Variants in NCKAP1L observed in about 807,000 individuals in gnomAD.
The protein encoded by NCKAP1L is nck-associated protein 1-like.
A neutral mutation model predicts 139.2 loss-of-function variants in NCKAP1L; 53 were observed. That is an observed-to-expected ratio of 0.38 (90% CI 0.31 to 0.48). The LOEUF (loss-of-function observed/expected upper bound fraction) is 0.48, where lower values mean the gene tolerates loss of function less well. Among genes scored for constraint, NCKAP1L ranks in the 20% least tolerant of loss-of-function variants. The pLI, the probability that NCKAP1L is intolerant of heterozygous loss-of-function variation, is 0.98. For synonymous variants in NCKAP1L, 468 were observed against 499.7 expected (o/e 0.94, Z 0.85); for missense variants, 1,151 against 1,381.9 (o/e 0.83, Z 2.65).
At chr12:54,499,249 A>C in intron 1 of NCKAP1L, 106 bp from the exon 2 acceptor site, 1 of 686,072 alleles carries the variant, frequency 1.5e-6, no homozygotes. Context: ...ATTAGTTCCC[A>C]GGTTGCCTTT....
intron 3 of NCKAP1L, among the ~76,000 whole-genome samples, chr12:54,503,616 T>TAC (rs1450841967): frequency 4.0e-5 from 6 of 151,408 alleles, no homozygotes; most frequent in African/African-American, 1.5e-4. Flanking sequence ...TATATATATA[T>TAC]ACACACACAT....
At chr12:54,515,297 G>A (rs1261748389) in intron 9 of NCKAP1L, among the ~76,000 whole-genome samples, 1 of 152,180 alleles carries the variant, frequency 6.6e-6, no homozygotes, top group African/African-American at 2.4e-5. Context: ...AGAAGGGAAA[G>A]GAGAGGTGAT....
Position 54,523,524 on chromosome 12 carries a change from G to T in NCKAP1L, c.2009G>T (p.Arg670Leu). The T allele has an allele frequency of 1.2e-6, 2 of 1,613,370 alleles. No individual in the cohort carries two copies. Among genetic ancestry groups the T allele is most frequent in the Non-Finnish European group, 1.7e-6 (2 of 1,179,820 alleles). ...GGAGCTGAGAGTCACCGGAAGAACC[G>T]CAGCATTGTCACCAAGTGAGGACCT... ...KPGAESHRKNRSIVTNMDKLH... is the reference protein window; with the variant it reads ...KPGAESHRKNLSIVTNMDKLH... Residue 670 changes from arginine (R) to leucine (L), a missense_variant, in exon 19 of 31, where the codon CGC becomes CTC. Physicochemically the swap from Arg to Leu is moderately radical, Grantham distance 102. Transcript: ENST00000293373.
At chr12:54,502,795 T>C (rs1490105999) in intron 3 of NCKAP1L, among the ~76,000 whole-genome samples, 4 of 107,596 alleles carry the variant, frequency 3.7e-5, no homozygotes, top group African/African-American at 1.5e-4. Context: ...GAGACCAGCC[T>C]GGGCAACATG....
chr12:54,541,531 T>C (rs1449161658), intron 30 of NCKAP1L, among the ~76,000 whole-genome samples: 4 of 152,200 alleles, frequency 2.6e-5, no homozygotes, highest in African/African-American at 9.6e-5. Flanking sequence ...ATTTAACCTA[T>C]CATCAGGGCT....
chr12:54,523,344 G>A (rs560511629), intron 18 of NCKAP1L, 50 bp from the exon 19 acceptor site: 105 of 1,579,658 alleles, frequency 6.6e-5, no homozygotes, highest in South Asian at 6.1e-4. Context: ...GTCAGGTGCC[G>A]TTTTAGCAAC....
Position 54,543,307 on chromosome 12 carries a change from G to A in NCKAP1L, c.*622G>A, listed in dbSNP as rs1211579156. ...CCCAGCTTGACTGCGTTTCCTACTGGGGCAAGGAGGAAGTGCCCTTCAGAG... is the reference window on the plus strand; with the variant it reads ...CCCAGCTTGACTGCGTTTCCTACTGAGGCAAGGAGGAAGTGCCCTTCAGAG... On this transcript the variant is annotated 3_prime_UTR_variant, in exon 31 of 31. Coordinates refer to ENST00000293373, the MANE Select transcript of NCKAP1L (RefSeq NM_005337.5). 1 of 152,162 alleles carries A rather than the reference G, an allele frequency of 6.6e-6. No homozygotes were observed. Among genetic ancestry groups the A allele is most frequent in the Non-Finnish European group, 1.5e-5 (1 of 68,074 alleles). 9.4% of individuals were successfully genotyped at this position (152,162 alleles called of 1,614,324 possible). A position where few individuals can be genotyped will look rare whatever the true frequency, so the allele number is the denominator to read the frequency against.
Position 54,531,938 on chromosome 12 carries a change from G to A in NCKAP1L, c.2781+113G>A, listed in dbSNP as rs948633356. On this transcript the variant is annotated intron_variant, in intron 25 of 30. Coordinates refer to ENST00000293373, the MANE Select transcript of NCKAP1L (RefSeq NM_005337.5). Reference sequence around the variant, plus strand: ...ATCAGTTTTAACTTCTGCTTCAGAAGGGGTTGGTGAGCATTGAGAAGAGGG... The same window carrying A: ...ATCAGTTTTAACTTCTGCTTCAGAAAGGGTTGGTGAGCATTGAGAAGAGGG... 15 of 948,842 alleles carry A rather than the reference G, an allele frequency of 1.6e-5. No homozygotes were observed. In the African/African-American group the frequency reaches 1.8e-4, roughly 11 times the overall value. The allele number at this position is 948,842 out of a possible 1,614,324, so 58.8% of individuals were successfully genotyped here. A position where few individuals can be genotyped will look rare whatever the true frequency, so the allele number is the denominator to read the frequency against.
At chr12:54,512,210 T>G in intron 9 of NCKAP1L, 105 bp downstream of exon 9, 1 of 1,199,222 alleles carries the variant, frequency 8.3e-7, no homozygotes, top group Non-Finnish European at 1.2e-6. Flanking sequence ...TGGTAACGAT[T>G]AATTCTAACT....
In NCKAP1L at chr12:54,517,633, A is replaced by G; in HGVS notation, c.1196A>G (p.Tyr399Cys). 5 of 1,612,196 alleles carry G rather than the reference A, an allele frequency of 3.1e-6. No individual in the cohort carries two copies. The highest frequency in any genetic ancestry group is 1.7e-6 in the Non-Finnish European group (2 of 1,178,238). The change falls in exon 12 of 31, where the codon TAT (tyrosine) becomes TGT (cysteine). Residue 399 changes from tyrosine (Y) to cysteine (C), a missense_variant. Transcript: ENST00000293373. ...ACCAAGACAAAGACACCTGAGGACT[A>G]TGCTGACTCGTTAGTACTTGACATG... ...NVTKTKTPED[Y>C]ADSSIAELLF...
rs1422184564 is a variant in NCKAP1L at position 54,532,244 on chromosome 12, C to T, written c.2856C>T (p.Asp952=). The T allele has an allele frequency of 1.9e-6, 3 of 1,612,490 alleles. No individual in the cohort carries two copies. The highest frequency in any genetic ancestry group is 2.5e-6 in the Non-Finnish European group (3 of 1,179,056). Residue 952 remains aspartate, a synonymous_variant, in exon 26 of 31, where the codon GAC becomes GAT. Transcript: ENST00000293373. The stretch of plus-strand genomic sequence containing the variant: ...AGGAGTTTGTCACTCCAGACACAGA[C>T]ATCAAGGTATGGAGGAGTGCAAAGT... ...CLKEFVTPDT[D]IKVTLSIFEL...
intron 30 of NCKAP1L, among the ~76,000 whole-genome samples, chr12:54,541,779 T>A (rs1957160202): frequency 6.6e-6 from 1 of 152,184 alleles, no homozygotes; most frequent in African/African-American, 2.4e-5. Flanking sequence ...CCAGAGGATA[T>A]GGGACACCTC....
chr12:54,502,883 A>G (rs1292223173), intron 3 of NCKAP1L, among the ~76,000 whole-genome samples: 1 of 149,044 alleles, frequency 6.7e-6, no homozygotes, highest in East Asian at 2.0e-4. Context: ...CTGTAGTCCC[A>G]GCTGCTTAGG....
rs774964520 is a variant in NCKAP1L, at chr12:54,543,859, A to C, written c.*1174A>C. On this transcript the variant is annotated 3_prime_UTR_variant, in exon 31 of 31. Coordinates refer to ENST00000293373, the MANE Select transcript of NCKAP1L (RefSeq NM_005337.5). ...TGGAGAAACAGATCATATATGTCAC[A>C]GGTCTAGAGTGGTTGGAATTGACAA... 6.6e-6 allele frequency: 1 copy of C among 152,206 alleles called. No individual in the cohort carries two copies. The highest frequency in any genetic ancestry group is 1.5e-5 in the Non-Finnish European group (1 of 68,028). 9.4% of individuals were successfully genotyped at this position (152,206 alleles called of 1,614,324 possible).
Position 54,521,222 on chromosome 12 carries a change from G to C in NCKAP1L, c.1862G>C (p.Arg621Pro). ...NCVLEICAEQ[R>P]NLSEQLLPKH... ...GTCCTGGAGATCTGTGCTGAGCAGC[G>C]AAACCTGAGCGAGCAGGTAGACTCA... The change falls in exon 18 of 31, where the codon CGA becomes CCA. Residue 621 changes from arginine to proline, a missense_variant. Physicochemically the swap from Arg to Pro is moderately radical, Grantham distance 103. Coordinates refer to ENST00000293373, the MANE Select transcript of NCKAP1L (RefSeq NM_005337.5). 6.2e-7 allele frequency: 1 copy of C among 1,613,994 alleles called. No homozygotes were observed. The highest frequency in any genetic ancestry group is 8.5e-7 in the Non-Finnish European group (1 of 1,179,954).
Position 54,521,206 on chromosome 12 carries a change from A to G in NCKAP1L, c.1846A>G (p.Ile616Val). ...GCAGACCAGCAATTGCGTCCTGGAG[A>G]TCTGTGCTGAGCAGCGAAACCTGAG... ...AKQTSNCVLE[I>V]CAEQRNLSEQ... The change falls in exon 18 of 31, where the codon ATC (isoleucine) becomes GTC (valine). Residue 616 changes from isoleucine to valine, a missense_variant. Coordinates refer to ENST00000293373, the MANE Select transcript of NCKAP1L (RefSeq NM_005337.5). 6.2e-7 allele frequency: 1 copy of G among 1,614,028 alleles called. No individual in the cohort carries two copies. Among genetic ancestry groups the G allele is most frequent in the Non-Finnish European group, 8.5e-7 (1 of 1,180,008 alleles).
At chr12:54,531,954 G>C in intron 25 of NCKAP1L, 129 bp downstream of exon 25, 3 of 838,018 alleles carry the variant, frequency 3.6e-6, no homozygotes, top group Non-Finnish European at 5.6e-6. Context: ...GGTGAGCATT[G>C]AGAAGAGGGA....
rs562953058 is a variant in NCKAP1L at position 54,546,361 on chromosome 12, CAA to C, written c.*3696_*3697del. 0.017 allele frequency: 1,674 copies of C among 100,352 alleles called. 32 individuals carry two copies. Among genetic ancestry groups the C allele is most frequent in the African/African-American group, 0.065 (1,593 of 24,604 alleles). The allele number at this position is 100,352 out of a possible 1,614,324, so 6.2% of individuals were successfully genotyped here. A position where few individuals can be genotyped will look rare whatever the true frequency, so the allele number is the denominator to read the frequency against. ...GGTGACAGAGCAAGATCCTGTCTCACAAAAAAAAAAAAAAAAAAAAATGCAGA... is the reference window on the plus strand; with the variant it reads ...GGTGACAGAGCAAGATCCTGTCTCACAAAAAAAAAAAAAAAAAAATGCAGA... On this transcript the variant is annotated 3_prime_UTR_variant, in exon 31 of 31. Coordinates refer to ENST00000293373, the MANE Select transcript of NCKAP1L (RefSeq NM_005337.5).
intron 3 of NCKAP1L, among the ~76,000 whole-genome samples, chr12:54,505,491 G>T (rs1956832707): frequency 6.7e-6 from 1 of 148,578 alleles, no homozygotes. Context: ...CTTCACTTCT[G>T]GCCCCAGGCA....
Sources: gnomAD v4.1 joint callset for allele counts (sites outside exome capture counted in the v4.1 genomes callset) on GRCh38, gnomAD v4.1.1 for gene constraint, MANE v1.5 for transcripts, NCBI Gene and HGNC (gene_info 2026-07-23, HGNC 2026-07-21) for gene names.